SENP7: variants seen among roughly 807,000 people sequenced by gnomAD.
SENP7 encodes the protein SUMO specific peptidase 7, also known as sentrin-specific protease 7.
A neutral mutation model predicts 141.2 loss-of-function variants in SENP7; 64 were observed. The observed-to-expected ratio is 0.45, with a 90% confidence interval of 0.37 to 0.56. The LOEUF is 0.56. SENP7 is among the 20% of genes least tolerant of loss of function. The pLI is 0.00. For missense variants in SENP7, 1,025 were observed against 1,212.2 expected, an observed-to-expected ratio of 0.85 and a Z score of 2.29; for synonymous variants, 382 against 426.4, an observed-to-expected ratio of 0.90 and a Z score of 1.28.
intron 6 of SENP7, among the ~76,000 whole-genome samples, chr3:101,389,618 C>T (rs2060754651): frequency 6.6e-6 from 1 of 152,058 alleles, no homozygotes; most frequent in Non-Finnish European, 1.5e-5. Context: ...AACTCTTCAC[C>T]ACTAGACAGG....
At chr3:101,499,388 G>A (rs2065282486) in intron 2 of SENP7, among the ~76,000 whole-genome samples, 1 of 151,938 alleles carries the variant, frequency 6.6e-6, no homozygotes, top group Non-Finnish European at 1.5e-5. Flanking sequence ...GGGCAGCGGG[G>A]GACAGAGTCT....
At chr3:101,509,716 T>C (rs1424702979) in intron 1 of SENP7, among the ~76,000 whole-genome samples, 1 of 152,222 alleles carries the variant, frequency 6.6e-6, no homozygotes, top group Non-Finnish European at 1.5e-5. Context: ...AAACATCACC[T>C]GGACCTACTG....
At chr3:101,494,070 C>A in intron 2 of SENP7, 102 bp from the exon 3 acceptor site, 2 of 563,720 alleles carry the variant, frequency 3.5e-6, no homozygotes, top group Non-Finnish European at 6.2e-6. Flanking sequence ...AATTTGCTAA[C>A]TGTTTTAAGG....
chr3:101,381,368 A>G (rs904121777), intron 6 of SENP7, among the ~76,000 whole-genome samples: 3 of 152,162 alleles, frequency 2.0e-5, no homozygotes, highest in Non-Finnish European at 4.4e-5. Context: ...GCCTAAAGTA[A>G]AGATTAATAT....
At chr3:101,343,141 GAT>G (rs1254916972) in intron 14 of SENP7, among the ~76,000 whole-genome samples, 1 of 152,144 alleles carries the variant, frequency 6.6e-6, no homozygotes, top group Non-Finnish European at 1.5e-5. Flanking sequence ...TATTACTGGT[GAT>G]GTTCATTTTG....
In SENP7 at chr3:101,382,157, A is replaced by T. The variant is rs924508661; in HGVS notation, c.678-10031T>A. Among the ~76,000 whole-genome samples, 6 of 152,106 alleles carry T rather than the reference A, an allele frequency of 3.9e-5. No individual in the cohort carries two copies. In the South Asian group the frequency reaches 6.2e-4, roughly 16 times the overall value. The stretch of plus-strand genomic sequence containing the variant: ...AACCTTTATTACTTTTGTAAAACAT[A>T]ATTTTATGAAATATTTTTCTTCTTT... On this transcript the variant is annotated intron_variant, in intron 6 of 23. Transcript: ENST00000394095.
chr3:101,358,311 A>G (rs2059798560), intron 11 of SENP7: 12 of 983,790 alleles, frequency 1.2e-5, no homozygotes, highest in Middle Eastern at 2.5e-4. Context: ...CTTAATAAAC[A>G]TAAAATAATT....
At position 101,393,998 on chromosome 3, in the gene SENP7, A is replaced by G. The variant is rs534599052; in HGVS notation, c.677+4863T>C. ...TCAATTCCTCTCTTCTAGCTATTTT[A>G]AAATATACAATGCACTACAGTCACC... On this transcript the variant is annotated intron_variant, in intron 6 of 23. Coordinates refer to ENST00000394095, the MANE Select transcript of SENP7 (RefSeq NM_020654.5). Among the ~76,000 whole-genome samples the G allele has an allele frequency of 2.7e-3, 409 of 152,284 alleles. 4 individuals are homozygous for G. Among genetic ancestry groups the G allele is most frequent in the African/African-American group, 9.7e-3 (402 of 41,570 alleles).
At position 101,363,983 on chromosome 3, in the gene SENP7, G is replaced by A. The variant is rs1010628815; in HGVS notation, c.1476+851C>T. ...ATGTGATCCTAGCACTTTGGGAGGTGGAGGTAGGAGGATTGCTTGAGCCCA... is the reference window on the plus strand; with the variant it reads ...ATGTGATCCTAGCACTTTGGGAGGTAGAGGTAGGAGGATTGCTTGAGCCCA... On this transcript the variant is annotated intron_variant, in intron 10 of 23. Transcript: ENST00000394095. Among the ~76,000 whole-genome samples the A allele has an allele frequency of 3.3e-5, 5 of 152,152 alleles. No homozygotes were observed. In the East Asian group the frequency reaches 9.6e-4, roughly 29 times the overall value.
rs756123112 is a variant in SENP7 at position 101,493,887 on chromosome 3, T to C, written c.172A>G (p.Thr58Ala). The C allele has an allele frequency of 1.3e-6, 2 of 1,598,142 alleles. No individual in the cohort carries two copies. Among genetic ancestry groups the C allele is most frequent in the Non-Finnish European group, 1.7e-6 (2 of 1,167,638 alleles). ...LSKFRSSERW[T>A]LPLQWERSLR... is the part of the protein sequence containing the mutation. Reference sequence around the variant, plus strand: ...TTATTTACCACCTGCAAAGGGAGAGTCCAGCGTTCTGAGCTTCTGAATTTG... The same window carrying C: ...TTATTTACCACCTGCAAAGGGAGAGCCCAGCGTTCTGAGCTTCTGAATTTG... Residue 58 changes from threonine (T) to alanine (A), a missense_variant, in exon 3 of 24, where the codon ACT becomes GCT. Physicochemically the swap from Thr to Ala is moderately conservative, Grantham distance 58 (BLOSUM62 0). Coordinates refer to ENST00000394095, the MANE Select transcript of SENP7 (RefSeq NM_020654.5).
intron 11 of SENP7, chr3:101,357,379 T>TA: frequency 1.4e-6 from 1 of 696,274 alleles, no homozygotes; most frequent in Non-Finnish European, 2.6e-6. Context: ...TCTTCCTTGG[T>TA]ATTGTTGTCT....
intron 3 of SENP7, among the ~76,000 whole-genome samples, chr3:101,486,260 A>C (rs2064724083): frequency 6.6e-6 from 1 of 152,324 alleles, no homozygotes; most frequent in African/African-American, 2.4e-5. Flanking sequence ...TACAAAGAAC[A>C]CCTGGAAATT....
At chr3:101,353,305 T>G (rs768655808) in intron 11 of SENP7, among the ~76,000 whole-genome samples, 11 of 151,974 alleles carry the variant, frequency 7.2e-5, no homozygotes, top group Non-Finnish European at 1.5e-4. Context: ...CAGCCATAAC[T>G]TCCAAATTAT....
At chr3:101,386,885 T>C (rs1433659584) in intron 6 of SENP7, among the ~76,000 whole-genome samples, 2 of 152,190 alleles carry the variant, frequency 1.3e-5, no homozygotes, top group African/African-American at 4.8e-5. Flanking sequence ...CCAGAATAAG[T>C]GTCTCCTACC....
At chr3:101,491,638 C>T (rs542184820) in intron 3 of SENP7, among the ~76,000 whole-genome samples, 20 of 152,312 alleles carry the variant, frequency 1.3e-4, no homozygotes, top group African/African-American at 4.3e-4. Flanking sequence ...ACAGAAGTCA[C>T]CTGGTCTCCT....
chr3:101,375,536 C>T (rs1202778647), intron 6 of SENP7, among the ~76,000 whole-genome samples: 1 of 85,542 alleles, frequency 1.2e-5, no homozygotes, highest in Non-Finnish European at 2.1e-5. Context: ...GAGCGAAATT[C>T]CATCTCCAAA....
At chr3:101,499,535 A>ATTTTTTTTTTTTTTTTTT (rs55855998) in intron 2 of SENP7, among the ~76,000 whole-genome samples, 84 of 138,760 alleles carry the variant, frequency 6.1e-4, no homozygotes, top group South Asian at 1.2e-3. Flanking sequence ...TGCCCAGCTA[A>ATTTTTTTTTTTTTTTTTT]TTTTTTTTTT....
At chr3:101,341,611 C>A in intron 15 of SENP7, 35 bp downstream of exon 15, 1 of 1,432,664 alleles carries the variant, frequency 7.0e-7, no homozygotes, top group Non-Finnish European at 9.3e-7. Context: ...TACTAATATG[C>A]CCATCTACTA....
chr3:101,498,047 T>C (rs541396763), intron 2 of SENP7, among the ~76,000 whole-genome samples: 1 of 152,306 alleles, frequency 6.6e-6, no homozygotes, highest in Non-Finnish European at 1.5e-5. Context: ...TCCTCCCACC[T>C]TGGCCTCCCA....
Sources: allele counts gnomAD v4.1 joint callset (sites outside exome capture counted in the v4.1 genomes callset), GRCh38; gene constraint gnomAD v4.1.1; transcripts MANE v1.5; gene names NCBI Gene and HGNC (gene_info 2026-07-23, HGNC 2026-07-21).